The following SSBP2 variants were observed in gnomAD, a reference collection of about 807,000 sequenced individuals.
The protein encoded by SSBP2 is single-stranded DNA-binding protein 2.
A neutral mutation model predicts 61.8 loss-of-function variants in SSBP2; 17 were observed. The ratio of observed to expected loss-of-function variants is 0.28; its 90% CI spans 0.19 to 0.41. SSBP2 has a LOEUF of 0.41. Among genes scored for constraint, SSBP2 ranks in the 10% least tolerant of loss-of-function variants. The pLI, the probability that SSBP2 is intolerant of heterozygous loss-of-function variation, is 1.00. For synonymous variants in SSBP2, 139 were observed against 141.3 expected (o/e 0.98, Z 0.12); for missense variants, 310 against 458.7 (o/e 0.68, Z 2.96).
At chr5:81,440,666 A>C (rs1762974372) in intron 13 of SSBP2, 30 bp from the exon 14 acceptor site, 1 of 1,493,910 alleles carries the variant, frequency 6.7e-7, no homozygotes, top group African/African-American at 1.4e-5. Context: ...AATCACTGTA[A>C]TCATACTGAA....
intron 1 of SSBP2, among the ~76,000 whole-genome samples, chr5:81,665,445 CAGATA>C (rs1751032043): frequency 6.6e-6 from 1 of 152,156 alleles, no homozygotes; most frequent in Non-Finnish European, 1.5e-5. Flanking sequence ...AGAGAAGCCT[CAGATA>C]TAGACAACGT....
At chr5:81,428,202 T>C (rs975053632) in intron 16 of SSBP2, among the ~76,000 whole-genome samples, 5 of 152,216 alleles carry the variant, frequency 3.3e-5, no homozygotes, top group African/African-American at 1.2e-4. Context: ...AGGTCTACTA[T>C]ATAAAGTAAG....
At chr5:81,541,433 T>G (rs1462961924) in intron 4 of SSBP2, among the ~76,000 whole-genome samples, 3 of 151,748 alleles carry the variant, frequency 2.0e-5, no homozygotes, top group Non-Finnish European at 4.4e-5. Flanking sequence ...AAAATTCATA[T>G]AGCACCAAAA....
At chr5:81,462,558 T>C (rs1355013098) in intron 9 of SSBP2, among the ~76,000 whole-genome samples, 1 of 152,164 alleles carries the variant, frequency 6.6e-6, no homozygotes, top group Admixed American at 6.5e-5. Context: ...GGCATTTGTA[T>C]TGATTGTCTT....
At chr5:81,421,155 T>C (rs988719830) in intron 16 of SSBP2, among the ~76,000 whole-genome samples, 1 of 152,164 alleles carries the variant, frequency 6.6e-6, no homozygotes, top group Non-Finnish European at 1.5e-5. Context: ...AATTTATACT[T>C]CAGCATTTAA....
At chr5:81,670,338 A>G (rs564304079) in intron 1 of SSBP2, among the ~76,000 whole-genome samples, 9 of 152,296 alleles carry the variant, frequency 5.9e-5, no homozygotes, top group African/African-American at 2.2e-4. Context: ...ATTTATTTTA[A>G]AAGTTATTAC....
chr5:81,672,948 C>T (rs961990992), intron 1 of SSBP2, among the ~76,000 whole-genome samples: 2 of 151,580 alleles, frequency 1.3e-5, no homozygotes, highest in Non-Finnish European at 2.9e-5. Context: ...GCGATTCTCA[C>T]GCCTCAGCCT....
chr5:81,728,189 A>T (rs1245400114), intron 1 of SSBP2, among the ~76,000 whole-genome samples: 1 of 152,222 alleles, frequency 6.6e-6, no homozygotes, highest in East Asian at 1.9e-4. Flanking sequence ...CAAGATAGAT[A>T]ATGTAAATGC....
chr5:81,628,320 C>T (rs1026032554), intron 3 of SSBP2, among the ~76,000 whole-genome samples: 7 of 152,152 alleles, frequency 4.6e-5, no homozygotes, highest in African/African-American at 1.4e-4. Context: ...ATGGGGGAAT[C>T]GCCCTCATGA....
At chr5:81,642,732 G>A (rs1311811425) in intron 2 of SSBP2, among the ~76,000 whole-genome samples, 6 of 152,060 alleles carry the variant, frequency 3.9e-5, no homozygotes, top group African/African-American at 1.4e-4. Flanking sequence ...ACATTTCATA[G>A]AATGAAATAT....
intron 1 of SSBP2, among the ~76,000 whole-genome samples, chr5:81,705,115 T>A (rs402352): frequency 0.29 from 44,190 of 151,958 alleles, 7,902 homozygotes; most frequent in Middle Eastern, 0.52. Context: ...AATCTGAATA[T>A]ATTATTTACT....
chr5:81,593,117 T>C (rs1288883119), intron 4 of SSBP2, among the ~76,000 whole-genome samples: 1 of 151,834 alleles, frequency 6.6e-6, no homozygotes, highest in Non-Finnish European at 1.5e-5. Context: ...AATGGATAAC[T>C]AGAATAACCA....
chr5:81,524,185 C>T (rs1769728307), intron 4 of SSBP2, among the ~76,000 whole-genome samples: 2 of 152,120 alleles, frequency 1.3e-5, no homozygotes, highest in East Asian at 1.9e-4. Context: ...GTCCTAATCC[C>T]CAGAGCCTGT....
At chr5:81,594,024 T>C (rs1489435294) in intron 4 of SSBP2, among the ~76,000 whole-genome samples, 2 of 152,046 alleles carry the variant, frequency 1.3e-5, no homozygotes, top group Non-Finnish European at 2.9e-5. Flanking sequence ...GCTAAATGCT[T>C]CAATTAAAAG....
intron 1 of SSBP2, among the ~76,000 whole-genome samples, chr5:81,714,815 T>C (rs933225775): frequency 3.3e-5 from 5 of 152,148 alleles, no homozygotes; most frequent in Non-Finnish European, 7.4e-5. Context: ...GATGGATAGA[T>C]TGCAAAAATT....
intron 15 of SSBP2, among the ~76,000 whole-genome samples, chr5:81,434,458 G>A (rs530570563): frequency 6.6e-6 from 1 of 151,884 alleles, no homozygotes; most frequent in Admixed American, 6.6e-5. Flanking sequence ...AGGAGTTCCA[G>A]ACCAGCCTGA....
intron 4 of SSBP2, among the ~76,000 whole-genome samples, chr5:81,557,423 G>GT (rs1305993051): frequency 6.6e-6 from 1 of 151,998 alleles, no homozygotes; most frequent in Non-Finnish European, 1.5e-5. Flanking sequence ...TTATGTAAGC[G>GT]TTTTTTCTGT....
intron 4 of SSBP2, among the ~76,000 whole-genome samples, chr5:81,596,595 A>G (rs2153539576): frequency 2.5e-5 from 1 of 40,696 alleles, no homozygotes; most frequent in Non-Finnish European, 4.3e-5. Context: ...ACTATACTAC[A>G]AGGCTACAGT....
At chr5:81,488,327 C>T (rs1006581948) in intron 6 of SSBP2, among the ~76,000 whole-genome samples, 1 of 151,766 alleles carries the variant, frequency 6.6e-6, no homozygotes, top group African/African-American at 2.4e-5. Context: ...TACCAAGTTA[C>T]TTTCCCTGCA....
Sources: gnomAD v4.1 joint callset for allele counts (sites outside exome capture counted in the v4.1 genomes callset) on GRCh38, gnomAD v4.1.1 for gene constraint, MANE v1.5 for transcripts, NCBI Gene and HGNC (gene_info 2026-07-23, HGNC 2026-07-21) for gene names.